SORCS1: variants seen among roughly 807,000 people sequenced by gnomAD.
The protein encoded by SORCS1 is VPS10 domain-containing receptor SorCS1.
A neutral mutation model predicts 146.1 loss-of-function variants in SORCS1; 60 were observed. The ratio of observed to expected loss-of-function variants is 0.41; its 90% CI spans 0.33 to 0.51. The LOEUF is 0.51. SORCS1 is among the 20% of genes least tolerant of loss of function. The pLI is 0.21. For missense variants in SORCS1, 1,352 were observed against 1,487.6 expected (o/e 0.91, Z 1.50); for synonymous variants, 637 against 584.0 (o/e 1.09, Z -1.31).
At position 106,960,790 on chromosome 10, in the gene SORCS1, A is replaced by G. The variant is rs1340905325; in HGVS notation, c.559-4210T>C. The stretch of plus-strand genomic sequence containing the variant: ...TCCTTGGAGGGTAGAAGGGTGCCAG[A>G]AACAGTGCCAGGTCAGGTTCTGTGC... On this transcript the variant is annotated intron_variant, in intron 1 of 25. Transcript: ENST00000263054. The surrounding 1 kb of genome is among the most constrained non-coding windows in gnomAD (Gnocchi z 4.4). Among the ~76,000 whole-genome samples the G allele has an allele frequency of 6.6e-6, 1 of 152,110 alleles. No homozygotes were observed. The highest frequency in any genetic ancestry group is 2.4e-5 in the African/African-American group (1 of 41,422).
intron 2 of SORCS1, among the ~76,000 whole-genome samples, chr10:106,858,539 C>T (rs182102829): frequency 2.9e-5 from 4 of 138,488 alleles, no homozygotes; most frequent in East Asian, 2.2e-4. Flanking sequence ...ACCCAGGAGG[C>T]GGAGCTGGCA....
At chr10:107,179,359 G>A in the SORCS1 span, among the ~76,000 whole-genome samples, 1 of 152,126 alleles carries the variant, frequency 6.6e-6, no homozygotes, top group Admixed American at 6.6e-5. Context: ...ATGCATACAT[G>A]TATCATGTTG....
intron 5 of SORCS1, among the ~76,000 whole-genome samples, chr10:106,744,041 GTTGAC>G (rs1446396841): frequency 3.3e-5 from 5 of 152,224 alleles, no homozygotes; most frequent in African/African-American, 9.6e-5. Flanking sequence ...ATATTCTATA[GTTGAC>G]TTAACTAGTT....
intron 19 of SORCS1, among the ~76,000 whole-genome samples, chr10:106,625,422 CACTGTACG>C (rs1272862144): frequency 6.6e-6 from 1 of 152,176 alleles, no homozygotes; most frequent in Non-Finnish European, 1.5e-5. Context: ...TCTCAAATTT[CACTGTACG>C]TTAAAATCAT....
At chr10:107,066,200 C>T (rs1358595478) in intron 1 of SORCS1, among the ~76,000 whole-genome samples, 1 of 152,106 alleles carries the variant, frequency 6.6e-6, no homozygotes, top group Non-Finnish European at 1.5e-5. Flanking sequence ...AGTTGTAGCT[C>T]TGAGCCCATG....
At chr10:106,950,953 G>A (rs1954646133) in intron 2 of SORCS1, among the ~76,000 whole-genome samples, 1 of 152,134 alleles carries the variant, frequency 6.6e-6, no homozygotes, top group Non-Finnish European at 1.5e-5. Flanking sequence ...AACGAGCAAG[G>A]TGTTGGGTTC....
chr10:107,180,667 CTTTGAG>C, the SORCS1 span, among the ~76,000 whole-genome samples: 1 of 152,128 alleles, frequency 6.6e-6, no homozygotes, highest in African/African-American at 2.4e-5. Flanking sequence ...TTTATTCTTA[CTTTGAG>C]TTTATTTTTC....
chr10:107,064,629 T>C (rs531952905), intron 1 of SORCS1, among the ~76,000 whole-genome samples: 1 of 152,196 alleles, frequency 6.6e-6, no homozygotes, highest in South Asian at 2.1e-4. Flanking sequence ...TTTTTGAACA[T>C]CTATCCAGAA....
chr10:106,855,907 G>A (rs1371281064), intron 2 of SORCS1, among the ~76,000 whole-genome samples: 1 of 152,082 alleles, frequency 6.6e-6, no homozygotes, highest in Admixed American at 6.6e-5. Flanking sequence ...TTTAGAAACT[G>A]GATTGTTTGC....
chr10:106,950,879 C>T (rs1450282575), intron 2 of SORCS1, among the ~76,000 whole-genome samples: 2 of 152,076 alleles, frequency 1.3e-5, no homozygotes, highest in Admixed American at 1.3e-4. Context: ...ATGCCAGACA[C>T]ACAGTGAATA....
chr10:106,609,953 T>C (rs540525327), intron 22 of SORCS1, among the ~76,000 whole-genome samples: 1 of 152,210 alleles, frequency 6.6e-6, no homozygotes, highest in Non-Finnish European at 1.5e-5. Flanking sequence ...AGATGGACAG[T>C]GGGTTCGTTA....
At chr10:106,784,381 G>A (rs1293421801) in intron 3 of SORCS1, among the ~76,000 whole-genome samples, 2 of 145,034 alleles carry the variant, frequency 1.4e-5, no homozygotes, top group East Asian at 2.0e-4. Context: ...GGCGACAGAG[G>A]GAGACTCCGT....
At position 106,964,308 on chromosome 10, in the gene SORCS1, A is replaced by G. The variant is rs192940634; in HGVS notation, c.559-7728T>C. ...GACGACCAGATTTTGATTTTTAATTAATTATTTTTTTTATAGGCAAGGCCT... is the reference window on the plus strand; with the variant it reads ...GACGACCAGATTTTGATTTTTAATTGATTATTTTTTTTATAGGCAAGGCCT... On this transcript the variant is annotated intron_variant, in intron 1 of 25. Transcript: ENST00000263054. Among the ~76,000 whole-genome samples, 234 of 150,650 alleles carry G rather than the reference A, an allele frequency of 1.6e-3. 1 individual carries two copies. The highest frequency in any genetic ancestry group is 2.6e-3 in the Non-Finnish European group (174 of 67,986).
chr10:106,757,388 G>C (rs143402838), intron 5 of SORCS1, among the ~76,000 whole-genome samples: 4 of 152,204 alleles, frequency 2.6e-5, no homozygotes, highest in Non-Finnish European at 5.9e-5. Context: ...ATGATTAAAG[G>C]AGGTTTCTTT....
intron 3 of SORCS1, among the ~76,000 whole-genome samples, chr10:106,802,241 G>C (rs934627623): frequency 2.0e-5 from 3 of 152,160 alleles, no homozygotes; most frequent in Admixed American, 2.0e-4. Flanking sequence ...AGTATTATGA[G>C]AGTGATAAGG....
intron 1 of SORCS1, among the ~76,000 whole-genome samples, chr10:107,076,055 T>G (rs568928559): frequency 6.6e-6 from 1 of 152,292 alleles, no homozygotes; most frequent in East Asian, 1.9e-4. Context: ...TGTACAGTGC[T>G]TGAAATTCAA....
intron 23 of SORCS1, among the ~76,000 whole-genome samples, chr10:106,599,874 T>A (rs1846137064): frequency 6.6e-6 from 1 of 151,842 alleles, no homozygotes; most frequent in South Asian, 2.1e-4. Context: ...CTGATTCAAG[T>A]GATTCTCCTG....
At chr10:107,034,694 A>C (rs1359747285) in intron 1 of SORCS1, among the ~76,000 whole-genome samples, 1 of 145,636 alleles carries the variant, frequency 6.9e-6, no homozygotes, top group African/African-American at 2.5e-5. Flanking sequence ...AAAAAAAAAA[A>C]AAAAAAAAAA....
At chr10:106,645,170 ATTTT>A (rs3044909) in intron 18 of SORCS1, among the ~76,000 whole-genome samples, 6 of 106,788 alleles carry the variant, frequency 5.6e-5, no homozygotes, top group Admixed American at 9.7e-5. Flanking sequence ...GTGTCTTATT[ATTTT>A]TTTTTTTTTT....
Sources: gnomAD v4.1 joint callset for allele counts (sites outside exome capture counted in the v4.1 genomes callset) on GRCh38, gnomAD v4.1.1 for gene constraint, Gnocchi (gnomAD v3.1) non-coding constraint, MANE v1.5 for transcripts, NCBI Gene and HGNC (gene_info 2026-07-23, HGNC 2026-07-21) for gene names.